Variants in CBX1 observed in about 807,000 individuals in gnomAD.
CBX1 encodes chromobox 1, also known as chromobox protein homolog 1.
In CBX1, 10 loss-of-function variants were observed where a neutral mutation model predicts 25.1. The ratio of observed to expected loss-of-function variants is 0.40; its 90% confidence interval spans 0.25 to 0.68. CBX1 has a LOEUF of 0.68. Ranked by LOEUF, CBX1 falls within the 30% of genes least tolerant of loss-of-function variation. The pLI, the probability that CBX1 is intolerant of heterozygous loss-of-function variation, is 0.40. For missense variants in CBX1, 106 were observed against 218.5 expected (o/e 0.49, Z 3.25); for synonymous variants, 63 against 79.4 (o/e 0.79, Z 1.10).
intron 1 of CBX1, chr17:48,096,374 T>C (rs907776147): frequency 1.5e-5 from 15 of 985,106 alleles, no homozygotes; most frequent in Middle Eastern, 5.2e-4. Context: ...AATGTTAGTA[T>C]GGACACAGAG....
chr17:48,079,450 G>A (rs955506904), intron 1 of CBX1, among the ~76,000 whole-genome samples: 2 of 152,142 alleles, frequency 1.3e-5, no homozygotes, highest in African/African-American at 2.4e-5. Flanking sequence ...TTGAACTTAC[G>A]ATTCACAAAT....
At chr17:48,077,433 GTT>G (rs113914818) in intron 1 of CBX1, among the ~76,000 whole-genome samples, 10 of 128,854 alleles carry the variant, frequency 7.8e-5, no homozygotes, top group East Asian at 6.6e-4. Context: ...AATTTTTGTT[GTT>G]TTTTTTTTTG....
At chr17:48,075,490 G>A (rs1463109476) in intron 3 of CBX1, among the ~76,000 whole-genome samples, 2 of 152,144 alleles carry the variant, frequency 1.3e-5, no homozygotes, top group African/African-American at 4.8e-5. Context: ...ACCGTGCCCG[G>A]CCCAATCACA....
intron 1 of CBX1, among the ~76,000 whole-genome samples, chr17:48,081,082 C>A (rs1349893612): frequency 6.8e-6 from 1 of 146,118 alleles, no homozygotes; most frequent in Non-Finnish European, 1.5e-5. Flanking sequence ...TATGAGACTG[C>A]CTAATTTTTG....
intron 1 of CBX1, chr17:48,100,532 T>G (rs1185568980): frequency 6.2e-6 from 1 of 160,004 alleles, no homozygotes; most frequent in East Asian, 1.9e-4. Context: ...TCTTCGCACA[T>G]TATTCTTACA....
chr17:48,098,260 A>AAAAAC (rs1555580742), intron 1 of CBX1, among the ~76,000 whole-genome samples: 3 of 150,610 alleles, frequency 2.0e-5, no homozygotes, highest in Non-Finnish European at 4.4e-5. Context: ...AAAAAAACAA[A>AAAAAC]AAACAAACAA....
intron 1 of CBX1, chr17:48,096,362 C>T (rs2063374906): frequency 1.0e-6 from 1 of 985,092 alleles, no homozygotes; most frequent in South Asian, 4.7e-5. Context: ...CAAGAGTCTA[C>T]AAATGTTAGT....
intron 1 of CBX1, among the ~76,000 whole-genome samples, chr17:48,078,880 C>T (rs1164134611): frequency 6.7e-6 from 1 of 148,956 alleles, no homozygotes. Flanking sequence ...ACCTCTGCCT[C>T]CCGGGTTCAA....
At chr17:48,094,863 A>T (rs766554294) in intron 1 of CBX1, among the ~76,000 whole-genome samples, 1 of 151,916 alleles carries the variant, frequency 6.6e-6, no homozygotes, top group Non-Finnish European at 1.5e-5. Context: ...CCTGGCCAAC[A>T]TGGTGACACC....
chr17:48,091,520 G>A (rs1425786386), intron 1 of CBX1, among the ~76,000 whole-genome samples: 1 of 146,756 alleles, frequency 6.8e-6, no homozygotes, highest in African/African-American at 2.5e-5. Context: ...GATTACAGGT[G>A]CCCGCCACCA....
intron 1 of CBX1, chr17:48,096,433 G>A (rs1037921023): frequency 2.1e-6 from 2 of 933,588 alleles, no homozygotes; most frequent in African/African-American, 1.8e-5. Flanking sequence ...AATAAAAGTG[G>A]TTAGAAAGCT....
At chr17:48,100,598 T>A (rs943097422) in intron 1 of CBX1, 1 of 480,070 alleles carries the variant, frequency 2.1e-6, no homozygotes, top group African/African-American at 2.1e-5. Context: ...TTCCCCTTTT[T>A]TCTTACATAC....
intron 1 of CBX1, among the ~76,000 whole-genome samples, chr17:48,088,490 A>G (rs1340631413): frequency 1.3e-5 from 2 of 151,202 alleles, no homozygotes; most frequent in Non-Finnish European, 2.9e-5. Flanking sequence ...GTGGTGGCGC[A>G]TGCCTGTAAT....
intron 1 of CBX1, among the ~76,000 whole-genome samples, chr17:48,099,929 A>T (rs1367368142): frequency 6.6e-6 from 1 of 152,116 alleles, no homozygotes; most frequent in African/African-American, 2.4e-5. Context: ...TCACGAGGTC[A>T]GGAGTTCGAG....
chr17:48,071,731 A>T (rs2037626328), intron 4 of CBX1, 152 bp from the exon 5 acceptor site: 1 of 588,052 alleles, frequency 1.7e-6, no homozygotes, highest in African/African-American at 1.9e-5. Flanking sequence ...TTTACTGGCA[A>T]TTGTATGTCA....
rs1039830225 is a variant in CBX1, at chr17:48,083,041, T to C, written c.-37-6000A>G. Reference sequence around the variant, plus strand: ...ACCACCATGCCCAGCTAATTTTGTATCTTTAGTAGAGACAGAGTTTCTCCA... The same window carrying C: ...ACCACCATGCCCAGCTAATTTTGTACCTTTAGTAGAGACAGAGTTTCTCCA... On this transcript the variant is annotated intron_variant, in intron 1 of 4. Coordinates refer to ENST00000225603, the MANE Select transcript of CBX1 (RefSeq NM_001127228.2). 1.7e-4 allele frequency among the ~76,000 whole-genome samples: 25 copies of C among 149,514 alleles called. 4 individuals carry two copies. The highest frequency in any genetic ancestry group is 6.4e-4 in the African/African-American group (25 of 39,184).
At chr17:48,086,406 C>G (rs2144451493) in intron 1 of CBX1, among the ~76,000 whole-genome samples, 1 of 152,314 alleles carries the variant, frequency 6.6e-6, no homozygotes, top group South Asian at 2.1e-4. Flanking sequence ...CCACCATAAA[C>G]ATGAACTATG....
intron 1 of CBX1, among the ~76,000 whole-genome samples, chr17:48,096,148 GTAT>G (rs1327821405): frequency 6.6e-6 from 1 of 152,218 alleles, no homozygotes; most frequent in Non-Finnish European, 1.5e-5. Context: ...CATAGTGCTG[GTAT>G]TATAGGCGTG....
Position 48,078,787 on chromosome 17 carries a change from C to CTT in CBX1, c.-37-1748_-37-1747dup, listed in dbSNP as rs1184844619. On this transcript the variant is annotated intron_variant, in intron 1 of 4. Transcript: ENST00000225603. ...ACAAGCGTGAGCCACCGTGCCTGGA[C>CTT]TTTTTTTTTTTTTTTTTTTTTTGAG... Among the ~76,000 whole-genome samples the CTT allele has an allele frequency of 2.0e-3, 154 of 76,230 alleles. 2 individuals carry two copies. Among genetic ancestry groups the CTT allele is most frequent in the Non-Finnish European group, 2.5e-3 (103 of 41,034 alleles). 50.0% of individuals were successfully genotyped at this position (76,230 alleles called of 152,430 possible).
Sources: gnomAD v4.1 joint callset for allele counts (sites outside exome capture counted in the v4.1 genomes callset) on GRCh38, gnomAD v4.1.1 for gene constraint, MANE v1.5 for transcripts, NCBI Gene and HGNC (gene_info 2026-07-23, HGNC 2026-07-21) for gene names.